The following TF variants were observed in gnomAD, a reference collection of about 807,000 sequenced individuals.
TF encodes the protein serotransferrin.
Under a neutral mutation model 82.4 loss-of-function variants are expected in TF, and 55 were observed. The observed-to-expected ratio is 0.67, with a 90% CI of 0.54 to 0.84. The LOEUF (loss-of-function observed/expected upper bound fraction) is 0.84. Ranked by LOEUF, TF falls within the 40% of genes least tolerant of loss-of-function variation. The pLI, the probability that TF is intolerant of heterozygous loss-of-function variation, is 0.00. For synonymous variants in TF, 332 were observed against 332.6 expected (o/e 1.00, Z 0.02); for missense variants, 737 against 868.4 (o/e 0.85, Z 1.90).
chr3:133,767,336 G>T (rs375106275), intron 12 of TF, among the ~76,000 whole-genome samples: 20 of 152,258 alleles, frequency 1.3e-4, no homozygotes, highest in African/African-American at 4.8e-4. Flanking sequence ...CTTTGTCCCT[G>T]CCACCTCCAA....
chr3:133,775,450 T>C lies in TF; in HGVS notation c.1705T>C (p.Trp569Arg), dbSNP rs368654418. The change falls in exon 15 of 17, where the codon TGG (tryptophan) becomes CGG (arginine). Residue 569 changes from tryptophan (W) to arginine (R), a missense_variant. Transcript: ENST00000402696. ...QNTGGKNPDP[W>R]AKNLNEKDYE... is the part of the protein sequence containing the mutation. ...GTCCCTAGGAAAAAACCCTGATCCA[T>C]GGGCTAAGAATCTGAATGAAAAAGA... The C allele has an allele frequency of 6.2e-7, 1 of 1,614,198 alleles. No individual in the cohort carries two copies. The highest frequency in any genetic ancestry group is 8.5e-7 in the Non-Finnish European group (1 of 1,180,036).
At chr3:133,711,600 C>G in the TF span, among the ~76,000 whole-genome samples, 1 of 152,114 alleles carries the variant, frequency 6.6e-6, no homozygotes, top group Non-Finnish European at 1.5e-5. Flanking sequence ...TCTCCCTCCC[C>G]TTTGTGCTCC....
chr3:133,667,550 T>A, the TF span, among the ~76,000 whole-genome samples: 4 of 149,592 alleles, frequency 2.7e-5, no homozygotes, highest in Non-Finnish European at 4.5e-5. Context: ...CACCATCAAC[T>A]GAGAGAGAGA....
At chr3:133,704,323 A>G in the TF span, 3 of 224,744 alleles carry the variant, frequency 1.3e-5, no homozygotes, top group Admixed American at 8.2e-5. Flanking sequence ...CAGTAAGTGG[A>G]GGGGAGTGTC....
chr3:133,777,414 C>A (rs1934423938), intron 16 of TF, 176 bp downstream of exon 16: 2 of 637,200 alleles, frequency 3.1e-6, no homozygotes, highest in African/African-American at 1.8e-5. Context: ...ACTGTAGGGG[C>A]AGATAGTAAG....
chr3:133,707,322 A>G, the TF span, among the ~76,000 whole-genome samples: 4 of 152,316 alleles, frequency 2.6e-5, no homozygotes, highest in South Asian at 6.2e-4. Flanking sequence ...GACTGGTGTC[A>G]TGGACCGCAG....
chr3:133,672,144 A>C, the TF span, among the ~76,000 whole-genome samples: 1 of 152,182 alleles, frequency 6.6e-6, no homozygotes, highest in Non-Finnish European at 1.5e-5. Flanking sequence ...TTAACAAAAA[A>C]CTTACCAATA....
At chr3:133,762,458 G>C (rs898511261) in intron 9 of TF, 4 of 152,176 alleles carry the variant, frequency 2.6e-5, no homozygotes, top group African/African-American at 9.7e-5. Flanking sequence ...GAGAGAGAGA[G>C]AGCACATTAA....
chr3:133,743,260 G>A (rs1410007372), upstream of TF, among the ~76,000 whole-genome samples: 1 of 152,130 alleles, frequency 6.6e-6, no homozygotes, highest in Non-Finnish European at 1.5e-5. Context: ...ACATACAAGG[G>A]GATAAAAACA....
At chr3:133,745,235 A>G (rs1041222401), upstream of TF, among the ~76,000 whole-genome samples, 2 of 152,234 alleles carry the variant, frequency 1.3e-5, no homozygotes, top group African/African-American at 4.8e-5. Context: ...AGCTTGGTCA[A>G]CTAAAACATG....
chr3:133,752,447 G>A (rs1336652292), intron 2 of TF, among the ~76,000 whole-genome samples: 2 of 152,128 alleles, frequency 1.3e-5, no homozygotes, highest in Non-Finnish European at 1.5e-5. Flanking sequence ...ACTGGCAAGG[G>A]CTTCTGGAAA....
the TF span, among the ~76,000 whole-genome samples, chr3:133,679,870 AC>A: frequency 6.6e-6 from 1 of 152,220 alleles, no homozygotes; most frequent in African/African-American, 2.4e-5. Context: ...GTTCAACTTG[AC>A]TTTGAGTAGT....
chr3:133,679,166 C>T, the TF span, among the ~76,000 whole-genome samples: 2 of 152,032 alleles, frequency 1.3e-5, no homozygotes, highest in Admixed American at 6.6e-5. Context: ...CCACCACACC[C>T]GGCCAGCCCA....
the TF span, among the ~76,000 whole-genome samples, chr3:133,697,317 T>G: frequency 6.6e-6 from 1 of 152,188 alleles, no homozygotes; most frequent in South Asian, 2.1e-4. Context: ...TTTGTTAGCA[T>G]TTTGGCAATT....
At chr3:133,727,050 C>A in the TF span, among the ~76,000 whole-genome samples, 6 of 152,276 alleles carry the variant, frequency 3.9e-5, no homozygotes, top group South Asian at 1.2e-3. Context: ...TGTTCTTTTA[C>A]ATTTGCTGAG....
the TF span, among the ~76,000 whole-genome samples, chr3:133,687,668 T>C: frequency 6.6e-6 from 1 of 152,212 alleles, no homozygotes; most frequent in Non-Finnish European, 1.5e-5. Context: ...TTCATATAAA[T>C]GGAATCATAT....
chr3:133,775,323 C>T (rs1934358199), intron 14 of TF, 110 bp from the exon 15 acceptor site: 2 of 1,124,332 alleles, frequency 1.8e-6, no homozygotes, highest in East Asian at 2.3e-5. Context: ...GTGGGCACTT[C>T]TGCTGGCGAG....
the TF span, among the ~76,000 whole-genome samples, chr3:133,680,533 C>CTTTTT: frequency 1.4e-5 from 2 of 145,242 alleles, no homozygotes; most frequent in African/African-American, 5.1e-5. Flanking sequence ...CTTTTCTTTT[C>CTTTTT]TTTTTTTTTT....
At chr3:133,740,958 G>A in the TF span, among the ~76,000 whole-genome samples, 1 of 126,322 alleles carries the variant, frequency 7.9e-6, no homozygotes, top group Non-Finnish European at 1.7e-5. Flanking sequence ...ATTGACTTTG[G>A]TGTGTTTACC....
Sources: gnomAD v4.1 joint callset for allele counts (sites outside exome capture counted in the v4.1 genomes callset) on GRCh38, gnomAD v4.1.1 for gene constraint, MANE v1.5 for transcripts, NCBI Gene and HGNC (gene_info 2026-07-23, HGNC 2026-07-21) for gene names.